PDE11A: variants seen among roughly 807,000 people sequenced by gnomAD.
PDE11A encodes phosphodiesterase 11A.
In PDE11A, 100 loss-of-function variants were observed where a neutral mutation model predicts 100.5. The ratio of observed to expected loss-of-function variants is 1.00; its 90% confidence interval spans 0.85 to 1.18. PDE11A has a LOEUF of 1.18. Ranked by LOEUF, PDE11A falls within the 50% of genes most tolerant of loss-of-function variation. The pLI is 0.00. For missense variants in PDE11A, 1,141 were observed against 1,152.6 expected (o/e 0.99, Z 0.15); for synonymous variants, 381 against 420.8 (o/e 0.91, Z 1.16).
chr2:177,954,367 G>A (rs1255918214), intron 2 of PDE11A, among the ~76,000 whole-genome samples: 3 of 152,064 alleles, frequency 2.0e-5, no homozygotes, highest in Admixed American at 2.0e-4. Flanking sequence ...GCCCAAGAGA[G>A]AGGTCCTTTT....
At chr2:177,979,526 C>T (rs2085853097) in intron 2 of PDE11A, among the ~76,000 whole-genome samples, 1 of 149,444 alleles carries the variant, frequency 6.7e-6, no homozygotes, top group Admixed American at 6.7e-5. Context: ...TCCTGGTATG[C>T]AGCGTCTCAA....
At chr2:177,945,887 C>T (rs1402409490) in intron 2 of PDE11A, among the ~76,000 whole-genome samples, 1 of 145,678 alleles carries the variant, frequency 6.9e-6, no homozygotes, top group Non-Finnish European at 1.5e-5. Context: ...GGGGGGTCAG[C>T]CCCCTGCCCG....
intron 2 of PDE11A, among the ~76,000 whole-genome samples, chr2:177,961,276 G>A (rs2085629153): frequency 6.6e-6 from 1 of 150,944 alleles, no homozygotes; most frequent in Non-Finnish European, 1.5e-5. Flanking sequence ...TTTTTTAATC[G>A]GTGAGAATCT....
At chr2:177,764,118 C>A (rs77144666) in intron 10 of PDE11A, among the ~76,000 whole-genome samples, 2,156 of 152,276 alleles carry the variant, frequency 0.014, 42 homozygotes, top group East Asian at 0.046. Flanking sequence ...CAAAGGAGGT[C>A]ATAAGATCCT....
chr2:177,654,532 G>A (rs6433683), intron 19 of PDE11A, among the ~76,000 whole-genome samples: 113,047 of 151,620 alleles, frequency 0.75, 43,492 homozygotes, highest in South Asian at 0.88. Flanking sequence ...AAGAAAGAAA[G>A]AAAAAAGGAC....
intron 2 of PDE11A, among the ~76,000 whole-genome samples, chr2:178,011,333 A>T (rs866354578): frequency 3.3e-5 from 5 of 152,178 alleles, no homozygotes; most frequent in South Asian, 2.1e-4. Context: ...AGAGACTGTG[A>T]TTTGGCCTTC....
intron 2 of PDE11A, among the ~76,000 whole-genome samples, chr2:177,917,194 C>T (rs987422763): frequency 4.7e-5 from 7 of 147,796 alleles, no homozygotes; most frequent in Non-Finnish European, 9.0e-5. Context: ...CCTATATGTG[C>T]CAAAAAAAAA....
In PDE11A at chr2:178,102,278, C is replaced by A. The variant is rs533325634; in HGVS notation, c.162+2024G>T. Among the ~76,000 whole-genome samples the A allele has an allele frequency of 2.0e-5, 3 of 152,188 alleles. No homozygotes were observed. The South Asian group carries it at 6.2e-4, about 32-fold the overall frequency. ...AGTAGCTGGGACTGCAAGCGTGCACCACCATGCCTGGCTGATTTTTGTATT... is the reference window on the plus strand; with the variant it reads ...AGTAGCTGGGACTGCAAGCGTGCACAACCATGCCTGGCTGATTTTTGTATT... On this transcript the variant is annotated intron_variant, in intron 2 of 20. Coordinates refer to the PDE11A transcript ENST00000358450.
At chr2:178,045,687 G>T (rs371439152) in intron 1 of PDE11A, among the ~76,000 whole-genome samples, 8 of 152,216 alleles carry the variant, frequency 5.3e-5, no homozygotes, top group African/African-American at 1.9e-4. Context: ...GCCTTCACAG[G>T]CATTAATGGA....
intron 2 of PDE11A, among the ~76,000 whole-genome samples, chr2:177,957,710 A>G (rs2085582145): frequency 6.6e-6 from 1 of 152,202 alleles, no homozygotes; most frequent in Non-Finnish European, 1.5e-5. Flanking sequence ...TTTAGTTACA[A>G]TAATTCTTTC....
Position 177,680,724 on chromosome 2 carries a change from T to G in PDE11A, c.2423+102A>C, listed in dbSNP as rs563639391. 2.6e-4 allele frequency: 174 copies of G among 657,360 alleles called. 1 individual carries two copies. In the African/African-American group the frequency reaches 3.0e-3, roughly 11 times the overall value. 40.7% of individuals were successfully genotyped at this position (657,360 alleles called of 1,614,324 possible). A position where few individuals can be genotyped will look rare whatever the true frequency, so the allele number is the denominator to read the frequency against. On this transcript the variant is annotated intron_variant, in intron 16 of 19. Transcript: ENST00000286063. ...TGTTTTGAATGTAAGCTAAGATTTG[T>G]TACTTTAAAAATCACTTCTATGCTC...
At chr2:177,938,761 A>G (rs1320900301) in intron 2 of PDE11A, among the ~76,000 whole-genome samples, 3 of 152,180 alleles carry the variant, frequency 2.0e-5, no homozygotes, top group African/African-American at 4.8e-5. Context: ...TCCCCCACAA[A>G]ACCAGTATGT....
intron 14 of PDE11A, among the ~76,000 whole-genome samples, chr2:177,700,418 A>T (rs959367499): frequency 4.3e-5 from 6 of 141,012 alleles, no homozygotes; most frequent in Non-Finnish European, 7.8e-5. Context: ...AAAAAAAAAA[A>T]GTCTGTACGC....
At chr2:177,781,447 T>A (rs951536702) in intron 9 of PDE11A, among the ~76,000 whole-genome samples, 2 of 152,150 alleles carry the variant, frequency 1.3e-5, no homozygotes, top group African/African-American at 2.4e-5. Context: ...CAATAGAGTT[T>A]GCGGTCAATT....
chr2:177,964,856 G>C (rs1024774751), intron 2 of PDE11A, among the ~76,000 whole-genome samples: 2 of 152,200 alleles, frequency 1.3e-5, no homozygotes, highest in Non-Finnish European at 2.9e-5. Context: ...CTTTATGGTA[G>C]AATGATTTCT....
intron 2 of PDE11A, chr2:177,922,787 T>TG: frequency 1.0e-6 from 1 of 985,000 alleles, no homozygotes; most frequent in Non-Finnish European, 1.2e-6. Context: ...CAACACACAG[T>TG]GGACTTTTCT....
chr2:177,853,830 G>GTA (rs1214159640), intron 5 of PDE11A, among the ~76,000 whole-genome samples: 2 of 141,048 alleles, frequency 1.4e-5, no homozygotes, highest in African/African-American at 5.2e-5. Context: ...ATATATGTGT[G>GTA]TATATATATC....
chr2:178,010,578 A>T (rs2086263777), intron 2 of PDE11A, among the ~76,000 whole-genome samples: 1 of 152,226 alleles, frequency 6.6e-6, no homozygotes, highest in African/African-American at 2.4e-5. Flanking sequence ...TCAAGGAAAT[A>T]ACACCAAAGA....
At chr2:177,903,677 T>C (rs2084733223) in intron 3 of PDE11A, among the ~76,000 whole-genome samples, 2 of 152,184 alleles carry the variant, frequency 1.3e-5, no homozygotes, top group African/African-American at 4.8e-5. Context: ...TGGCAGTAGA[T>C]ACAAGGCAAA....
Sources: gnomAD v4.1 joint callset for allele counts (sites outside exome capture counted in the v4.1 genomes callset) on GRCh38, gnomAD v4.1.1 for gene constraint, MANE v1.5 for transcripts, NCBI Gene and HGNC (gene_info 2026-07-23, HGNC 2026-07-21) for gene names.